Variants in CUBN observed in about 807,000 individuals in gnomAD.
CUBN encodes cubilin, also known as 460 kDa receptor.
A neutral mutation model predicts 405.3 loss-of-function variants in CUBN; 282 were observed. That is an observed-to-expected ratio of 0.70 (90% CI 0.63 to 0.77). The LOEUF (loss-of-function observed/expected upper bound fraction) is 0.77. Among genes scored for constraint, CUBN ranks in the 30% least tolerant of loss-of-function variants. The probability of loss-of-function intolerance (pLI) is 0.00; values close to 1 mark genes in which losing one functional copy is unlikely to be tolerated. For missense variants in CUBN, 4,514 were observed against 4,475.2 expected, an observed-to-expected ratio of 1.01 and a Z score of -0.25; for synonymous variants, 1,684 against 1,617.0, an observed-to-expected ratio of 1.04 and a Z score of -0.99.
rs199864467 is a variant in CUBN, at chr10:16,907,517, C to T, written c.7696G>A (p.Glu2566Lys). 1 of 1,614,108 alleles carries T rather than the reference C, an allele frequency of 6.2e-7. No individual in the cohort carries two copies. The highest frequency in any genetic ancestry group is 8.5e-7 in the Non-Finnish European group (1 of 1,179,988). ...CAACATCCTACATTACCTGCATCTTCACTGGAGGTATAGGAAGCAGTGAAG... is the reference window on the plus strand; with the variant it reads ...CAACATCCTACATTACCTGCATCTTTACTGGAGGTATAGGAAGCAGTGAAG... ...GGFTASYTSS[E>K]DAVCGGSLPN... Residue 2566 changes from glutamate (E) to lysine (K), a missense_variant, in exon 49 of 67, where the codon GAA (glutamate) becomes AAA (lysine). Transcript: ENST00000377833.
rs201018997 is a variant in CUBN at position 17,100,183 on chromosome 10, G to A, written c.1587C>T (p.His529=). Residue 529 remains histidine (H), a synonymous_variant, in exon 14 of 67, where the codon CAC becomes CAT. Coordinates refer to ENST00000377833, the MANE Select transcript of CUBN (RefSeq NM_001081.4). ...CTCCATCATAAACCTGAAGAAACTC[G>A]TGTGGACAGTTGTCCATGGATTCTA... ...FRLESMDNCP[H]EFLQVYDGDS... is the part of the protein sequence containing the mutation. 1.4e-5 allele frequency: 22 copies of A among 1,613,932 alleles called. No homozygotes were observed. The highest frequency in any genetic ancestry group is 5.3e-5 in the African/African-American group (4 of 74,920).
intron 31 of CUBN, among the ~76,000 whole-genome samples, chr10:16,977,633 A>G (rs1451726361): frequency 6.6e-6 from 1 of 152,192 alleles, no homozygotes; most frequent in African/African-American, 2.4e-5. Flanking sequence ...GACACCAAAC[A>G]AGAAGATGGG....
intron 27 of CUBN, among the ~76,000 whole-genome samples, chr10:17,023,031 T>C (rs1218732238): frequency 6.6e-6 from 1 of 152,228 alleles, no homozygotes; most frequent in African/African-American, 2.4e-5. Context: ...ATGAACAGCA[T>C]AGCATTTTTG....
At chr10:17,029,379 T>G (rs1211552913) in intron 27 of CUBN, among the ~76,000 whole-genome samples, 2 of 152,224 alleles carry the variant, frequency 1.3e-5, no homozygotes, top group Non-Finnish European at 2.9e-5. Context: ...AAATCACATT[T>G]TACTCAGGCA....
At chr10:17,114,248 T>C in intron 7 of CUBN, 59 bp from the exon 8 acceptor site, 1 of 1,554,738 alleles carries the variant, frequency 6.4e-7, no homozygotes, top group Non-Finnish European at 8.8e-7. Flanking sequence ...AGAAAAGCCT[T>C]TGAACATTTC....
chr10:17,125,577 T>C (rs1186702447), intron 4 of CUBN, among the ~76,000 whole-genome samples: 1 of 152,162 alleles, frequency 6.6e-6, no homozygotes, highest in Non-Finnish European at 1.5e-5. Flanking sequence ...AGCAACACTG[T>C]CTGGGGACTA....
intron 27 of CUBN, among the ~76,000 whole-genome samples, chr10:17,026,426 G>T (rs1834664703): frequency 6.6e-6 from 1 of 152,148 alleles, no homozygotes; most frequent in Non-Finnish European, 1.5e-5. Context: ...GAGGCCAGGA[G>T]TTCAAGACCA....
intron 54 of CUBN, among the ~76,000 whole-genome samples, chr10:16,897,589 C>G (rs1199278877): frequency 2.0e-5 from 3 of 152,090 alleles, no homozygotes; most frequent in Non-Finnish European, 2.9e-5. Context: ...CAGACTGGCC[C>G]CTTTCTGTGA....
chr10:16,855,643 T>C (rs555536503), intron 59 of CUBN, among the ~76,000 whole-genome samples: 71 of 152,298 alleles, frequency 4.7e-4, no homozygotes, highest in Admixed American at 1.5e-3. Flanking sequence ...CACTGAATTT[T>C]GGATGGTTTG....
intron 14 of CUBN, among the ~76,000 whole-genome samples, chr10:17,090,631 C>T (rs1836234105): frequency 6.6e-6 from 1 of 151,894 alleles, no homozygotes; most frequent in Non-Finnish European, 1.5e-5. Flanking sequence ...CTATACCGCT[C>T]AAGCAAAACA....
chr10:17,036,320 T>G (rs1164093432), intron 27 of CUBN, among the ~76,000 whole-genome samples: 2 of 152,118 alleles, frequency 1.3e-5, no homozygotes, highest in Admixed American at 6.6e-5. Context: ...ATTCCGAGGT[T>G]GCTGAAACTC....
In CUBN at chr10:16,828,951, C is replaced by G; in HGVS notation, c.10618G>C (p.Val3540Leu). 8.1e-6 allele frequency: 13 copies of G among 1,614,102 alleles called. No homozygotes were observed. Among genetic ancestry groups the G allele is most frequent in the East Asian group, 2.2e-5 (1 of 44,870 alleles). ...TYPNNTYCEWVLVAPAGRLVT... is the reference protein window; with the variant it reads ...TYPNNTYCEWLLVAPAGRLVT... The stretch of plus-strand genomic sequence containing the variant: ...AGCCTTCCAGCAGGAGCAACAAGGA[C>G]CCACTCGCAGTACGTGTTGTTTGGG... Residue 3540 changes from valine to leucine, a missense_variant, in exon 66 of 67, where the codon GTC becomes CTC. By Grantham distance (32) the Val-to-Leu change is conservative. This residue lies in a region of CUBN where 1,186 missense variants were observed against 1,186.9 expected (regional missense o/e 1.00). Transcript: ENST00000377833.
intron 29 of CUBN, among the ~76,000 whole-genome samples, chr10:16,986,899 T>G (rs1037255239): frequency 6.6e-5 from 10 of 152,200 alleles, no homozygotes; most frequent in Non-Finnish European, 1.0e-4. Context: ...GGCAAAATAT[T>G]CTTTGTTTTC....
intron 64 of CUBN, among the ~76,000 whole-genome samples, chr10:16,832,639 A>C (rs1839043415): frequency 6.6e-6 from 1 of 152,144 alleles, no homozygotes; most frequent in South Asian, 2.1e-4. Context: ...GCAGGATACT[A>C]ATTTCCACTG....
intron 40 of CUBN, among the ~76,000 whole-genome samples, chr10:16,929,589 T>G (rs1273530506): frequency 6.6e-6 from 1 of 152,202 alleles, no homozygotes; most frequent in Admixed American, 6.5e-5. Context: ...TGATTACAAA[T>G]GTAATGGCAG....
At chr10:16,989,575 T>TAA (rs1418383480) in intron 29 of CUBN, among the ~76,000 whole-genome samples, 6 of 72,596 alleles carry the variant, frequency 8.3e-5, no homozygotes, top group Non-Finnish European at 1.4e-4. Context: ...GCTATATATT[T>TAA]AAAATATATA....
chr10:17,123,505 G>C, intron 5 of CUBN, 83 bp downstream of exon 5: 1 of 1,058,240 alleles, frequency 9.4e-7, no homozygotes, highest in Non-Finnish European at 1.4e-6. Flanking sequence ...ACTTTAGATG[G>C]AGAATTAAAT....
In CUBN at chr10:17,104,499, G is replaced by C. The variant is rs1455154437; in HGVS notation, c.1337C>G (p.Thr446Ser). Reference protein sequence around the residue: ...CLSNPCLNGGTCVDGVDSFSC... With the variant: ...CLSNPCLNGGSCVDGVDSFSC... ...GAAAGAATCAACGCCATCAACACAA[G>C]TTCCTCCATTCAAACAGGGGTTGCT... The change falls in exon 12 of 67, where the codon ACT becomes AGT. Residue 446 changes from threonine to serine, a missense_variant. Thr to Ser is a moderately conservative substitution (Grantham distance 58). Transcript: ENST00000377833. 4 of 1,613,932 alleles carry C rather than the reference G, an allele frequency of 2.5e-6. No homozygotes were observed. Among genetic ancestry groups the C allele is most frequent in the Non-Finnish European group, 2.5e-6 (3 of 1,179,996 alleles).
In CUBN at chr10:17,111,069, T is replaced by G; in HGVS notation, c.884-19A>C. 1 of 1,613,950 alleles carries G rather than the reference T, an allele frequency of 6.2e-7. No homozygotes were observed. The highest frequency in any genetic ancestry group is 8.5e-7 in the Non-Finnish European group (1 of 1,179,882). On this transcript the variant is annotated intron_variant, in intron 8 of 66. Coordinates refer to ENST00000377833, the MANE Select transcript of CUBN (RefSeq NM_001081.4). ...TGCCAGCCTAGGAAAACAAGAGGAT[T>G]TAAAAGTTTAGCTCTATAGACAAGT...
Sources: gnomAD v4.1 joint callset for allele counts (sites outside exome capture counted in the v4.1 genomes callset) on GRCh38, gnomAD v4.1.1 for gene constraint, gnomAD v4.1.1 regional missense constraint, MANE v1.5 for transcripts, NCBI Gene and HGNC (gene_info 2026-07-23, HGNC 2026-07-21) for gene names.